ARSB: variants seen among roughly 807,000 people sequenced by gnomAD.
ARSB encodes the protein arylsulfatase B.
A neutral mutation model predicts 50.9 loss-of-function variants in ARSB; 41 were observed. That is an observed-to-expected ratio of 0.81 (90% CI 0.63 to 1.04). The LOEUF is 1.04. ARSB is among the 50% of genes least tolerant of loss of function. The pLI is 0.00. For synonymous variants in ARSB, 269 were observed against 284.8 expected (o/e 0.94, Z 0.56); for missense variants, 672 against 693.3 (o/e 0.97, Z 0.35).
At chr5:78,830,064 GC>G (rs1744603442) in intron 6 of ARSB, among the ~76,000 whole-genome samples, 1 of 152,194 alleles carries the variant, frequency 6.6e-6, no homozygotes, top group Admixed American at 6.5e-5. Context: ...AAGTTAGTCT[GC>G]TTTTGTGTTG....
rs148245142 is a variant in ARSB at position 78,936,941 on chromosome 5, T to C, written c.898+18354A>G. 8.3e-3 allele frequency among the ~76,000 whole-genome samples: 1,262 copies of C among 152,304 alleles called. 5 individuals carry two copies. Among genetic ancestry groups the C allele is most frequent in the Non-Finnish European group, 0.014 (946 of 68,034 alleles). ...TAAGTAAATGCATTTTTTTAGCAGC[T>C]TGTGACAACCTGAATTTATTTCAGC... On this transcript the variant is annotated intron_variant, in intron 4 of 7. Coordinates refer to ENST00000264914, the MANE Select transcript of ARSB (RefSeq NM_000046.5).
chr5:78,931,085 T>C (rs947965380), intron 4 of ARSB, among the ~76,000 whole-genome samples: 3 of 152,252 alleles, frequency 2.0e-5, no homozygotes, highest in Non-Finnish European at 2.9e-5. Flanking sequence ...GCCCGGGAAA[T>C]CTCTCTCTCG....
At chr5:78,780,980 T>C (rs1424094670) in intron 7 of ARSB, among the ~76,000 whole-genome samples, 1 of 152,220 alleles carries the variant, frequency 6.6e-6, no homozygotes. Context: ...TTGCAATACA[T>C]GGGACAATCC....
chr5:78,809,720 C>G (rs552101859), intron 6 of ARSB, among the ~76,000 whole-genome samples: 94 of 152,402 alleles, frequency 6.2e-4, no homozygotes, highest in African/African-American at 2.1e-3. Context: ...CTTCACTCCA[C>G]TTTCCTGCTC....
At chr5:78,985,786 G>A (rs1753162092), upstream of ARSB, 1 of 152,252 alleles carries the variant, frequency 6.6e-6, no homozygotes, top group African/African-American at 2.4e-5. Flanking sequence ...CCTGTGGCAG[G>A]TGGGAGGACG....
At chr5:78,974,892 C>T (rs1752599368) in intron 1 of ARSB, among the ~76,000 whole-genome samples, 1 of 152,182 alleles carries the variant, frequency 6.6e-6, no homozygotes, top group African/African-American at 2.4e-5. Flanking sequence ...GTGAGGCCAT[C>T]TTGCTTGTCC....
chr5:78,861,158 T>G (rs1365595499), intron 5 of ARSB, among the ~76,000 whole-genome samples: 1 of 152,092 alleles, frequency 6.6e-6, no homozygotes, highest in Non-Finnish European at 1.5e-5. Flanking sequence ...ACCAGACGGA[T>G]TCACAGCCGA....
At chr5:78,781,729 TC>T in intron 7 of ARSB, 122 bp downstream of exon 7, 2 of 1,430,592 alleles carry the variant, frequency 1.4e-6, no homozygotes, top group Non-Finnish European at 2.0e-6. Context: ...GTCCTCTCTT[TC>T]CAGAGAAATG....
rs565044305 is a variant in ARSB, at chr5:78,787,584, G to C, written c.1214-5610C>G. ...TCCATGACATGAAGTGATGAGCAAA[G>C]AGACATCTAAGAGAAGTTCCCAAGG... On this transcript the variant is annotated intron_variant, in intron 6 of 7. Coordinates refer to ENST00000264914, the MANE Select transcript of ARSB (RefSeq NM_000046.5). Among the ~76,000 whole-genome samples the C allele has an allele frequency of 3.9e-5, 6 of 152,324 alleles. No individual in the cohort carries two copies. In the East Asian group the frequency reaches 1.2e-3, roughly 29 times the overall value.
chr5:78,921,201 C>T (rs1749798088), intron 4 of ARSB, among the ~76,000 whole-genome samples: 1 of 152,078 alleles, frequency 6.6e-6, no homozygotes, highest in Non-Finnish European at 1.5e-5. Context: ...GCAAACCCTC[C>T]ACAATCTCAG....
intron 5 of ARSB, among the ~76,000 whole-genome samples, chr5:78,848,829 A>G (rs1228279929): frequency 6.6e-6 from 1 of 152,172 alleles, no homozygotes; most frequent in Non-Finnish European, 1.5e-5. Flanking sequence ...AGTAATGATG[A>G]GCATTTTTTC....
chr5:78,827,862 A>AT (rs750342005), intron 6 of ARSB, among the ~76,000 whole-genome samples: 6,269 of 144,500 alleles, frequency 0.043, 168 homozygotes, highest in African/African-American at 0.062. Flanking sequence ...ACAATTTCTG[A>AT]TTTTTTTTTT....
At chr5:78,787,493 T>C (rs1302083155) in intron 6 of ARSB, among the ~76,000 whole-genome samples, 2 of 152,200 alleles carry the variant, frequency 1.3e-5, no homozygotes, top group African/African-American at 4.8e-5. Context: ...TTGGACTAGA[T>C]GCCAATTTAA....
At chr5:78,827,412 T>C (rs979372800) in intron 6 of ARSB, among the ~76,000 whole-genome samples, 1 of 152,112 alleles carries the variant, frequency 6.6e-6, no homozygotes, top group Non-Finnish European at 1.5e-5. Flanking sequence ...GGTTTTGCCA[T>C]GTTGGCCAGG....
chr5:78,782,006 A>T, intron 6 of ARSB, 32 bp from the exon 7 acceptor site: 1 of 1,613,690 alleles, frequency 6.2e-7, no homozygotes, highest in Non-Finnish European at 8.5e-7. Flanking sequence ...GAATTAGATC[A>T]CTGTTATTGG....
At chr5:78,966,633 C>A (rs1752216597) in intron 2 of ARSB, among the ~76,000 whole-genome samples, 1 of 152,198 alleles carries the variant, frequency 6.6e-6, no homozygotes, top group African/African-American at 2.4e-5. Context: ...GTGTGTTCAT[C>A]TAAATCCAGG....
chr5:78,920,234 T>C (rs1306506782), intron 4 of ARSB, among the ~76,000 whole-genome samples: 7 of 152,186 alleles, frequency 4.6e-5, no homozygotes, highest in Non-Finnish European at 1.0e-4. Context: ...TTTTGTACTT[T>C]GTGCACTGTT....
chr5:78,840,348 C>T (rs563475756), intron 5 of ARSB, among the ~76,000 whole-genome samples: 1 of 152,250 alleles, frequency 6.6e-6, no homozygotes, highest in East Asian at 1.9e-4. Context: ...CAATAAGGCT[C>T]CTGACGTAAC....
intron 5 of ARSB, among the ~76,000 whole-genome samples, chr5:78,877,008 G>A (rs1581081570): frequency 6.6e-6 from 1 of 152,182 alleles, no homozygotes. Context: ...ACCCTGGTCG[G>A]TGGAAAAATT....
Sources: gnomAD v4.1 joint callset for allele counts (sites outside exome capture counted in the v4.1 genomes callset) on GRCh38, gnomAD v4.1.1 for gene constraint, MANE v1.5 for transcripts, NCBI Gene and HGNC (gene_info 2026-07-23, HGNC 2026-07-21) for gene names.